GP6: variants seen among roughly 807,000 people sequenced by gnomAD.
GP6 encodes the protein glycoprotein VI platelet, also known as platelet glycoprotein VI.
GP6 carries 45 observed loss-of-function variants against 37.3 expected under a neutral mutation model. That is an observed-to-expected ratio of 1.21 (90% CI 0.95 to 1.55). The LOEUF (loss-of-function observed/expected upper bound fraction) is 1.55. Ranked by LOEUF, GP6 falls within the 40% of genes most tolerant of loss-of-function variation. GP6 has a pLI of 0.00. For synonymous variants in GP6, 340 were observed against 316.4 expected, an observed-to-expected ratio of 1.07 and a Z score of -0.79; for missense variants, 813 against 760.2, an observed-to-expected ratio of 1.07 and a Z score of -0.82.
chr19:55,019,244 T>C (rs2073989300), intron 5 of GP6, among the ~76,000 whole-genome samples: 1 of 152,032 alleles, frequency 6.6e-6, no homozygotes, highest in South Asian at 2.1e-4. Context: ...TAGCTGGGAT[T>C]ACAGGCACCT....
At chr19:55,031,105 C>T (rs1015563488) in intron 3 of GP6, among the ~76,000 whole-genome samples, 3 of 152,158 alleles carry the variant, frequency 2.0e-5, no homozygotes, top group Non-Finnish European at 4.4e-5. Context: ...GCCTCAGCCT[C>T]CCAAAGTGCT....
intron 3 of GP6, among the ~76,000 whole-genome samples, chr19:55,031,153 T>C (rs539545919): frequency 3.9e-5 from 6 of 152,340 alleles, no homozygotes; most frequent in South Asian, 2.1e-4. Context: ...CAGTGCTACG[T>C]TTATTTTTTG....
chr19:55,034,176 G>GTGTA (rs1568647066), intron 1 of GP6, among the ~76,000 whole-genome samples: 4 of 145,512 alleles, frequency 2.7e-5, no homozygotes, highest in South Asian at 2.2e-4. Flanking sequence ...GTGTGTGTGT[G>GTGTA]TATACATATG....
At chr19:55,029,653 G>A (rs1265416629) in intron 3 of GP6, among the ~76,000 whole-genome samples, 1 of 151,282 alleles carries the variant, frequency 6.6e-6, no homozygotes, top group Non-Finnish European at 1.5e-5. Context: ...GCCTCCCAAA[G>A]TGCTGGCATT....
intron 1 of GP6, among the ~76,000 whole-genome samples, chr19:55,036,169 T>G (rs777036104): frequency 1.3e-5 from 2 of 151,896 alleles, no homozygotes; most frequent in Non-Finnish European, 2.9e-5. Context: ...CAAAAATCTG[T>G]ATATTCTCAC....
chr19:55,029,000 A>G (rs1568626692), intron 3 of GP6, among the ~76,000 whole-genome samples: 1 of 151,972 alleles, frequency 6.6e-6, no homozygotes, highest in Non-Finnish European at 1.5e-5. Flanking sequence ...GTCTCAAAAA[A>G]AGACAGAGAG....
At chr19:55,033,047 CGTGTT>C (rs376440492) in intron 1 of GP6, among the ~76,000 whole-genome samples, 159 of 14,590 alleles carry the variant, frequency 0.011, 7 homozygotes, top group East Asian at 0.017. Flanking sequence ...TGGACTCGTT[CGTGTT>C]GTGTTAGACA....
At chr19:55,033,551 T>C (rs1285186659) in intron 1 of GP6, among the ~76,000 whole-genome samples, 3 of 151,108 alleles carry the variant, frequency 2.0e-5, no homozygotes, top group Non-Finnish European at 4.4e-5. Context: ...GGTGGGCTCG[T>C]TCGTGTTAGA....
At chr19:55,032,712 A>C in intron 1 of GP6, 174 bp from the exon 2 acceptor site, 4 of 735,256 alleles carry the variant, frequency 5.4e-6, no homozygotes, top group Non-Finnish European at 9.7e-6. Context: ...AAAAAGCCAC[A>C]TAGTTTATGA....
At chr19:55,027,464 C>T (rs1024662476) in intron 4 of GP6, 114 bp downstream of exon 4, 3 of 755,296 alleles carry the variant, frequency 4.0e-6, no homozygotes, top group East Asian at 2.5e-5. Flanking sequence ...CCCGCCCCTG[C>T]AGCCCAGGGC....
chr19:55,032,065 C>G, intron 3 of GP6, 74 bp downstream of exon 3: 2 of 1,466,808 alleles, frequency 1.4e-6, no homozygotes, highest in Non-Finnish European at 1.9e-6. Flanking sequence ...CTAATCCCTG[C>G]CCTCAATGTC....
chr19:55,014,987 G>T lies in GP6; in HGVS notation c.958C>A (p.Pro320Thr). ...CATCCTGACCCCCGTTTGATTTCCG[G>T]GTCAGCGGGAGGGGCGGGAGGGGCG... Residue 320 changes from proline to threonine, a missense_variant, in exon 8 of 8, where the codon CCG (proline) becomes ACG (threonine). By Grantham distance (38) the Pro-to-Thr change is conservative. Transcript: ENST00000310373. 1 of 1,613,522 alleles carries T rather than the reference G, an allele frequency of 6.2e-7. No individual in the cohort carries two copies.
intron 5 of GP6, among the ~76,000 whole-genome samples, chr19:55,023,263 C>G (rs1233338478): frequency 1.3e-5 from 2 of 152,116 alleles, no homozygotes; most frequent in Non-Finnish European, 2.9e-5. Flanking sequence ...GAAAGGATTC[C>G]CTATTTAATA....
At position 55,014,413 on chromosome 19, in the gene GP6, A is replaced by T; in HGVS notation, c.1532T>A (p.Leu511His). 1 of 1,613,764 alleles carries T rather than the reference A, an allele frequency of 6.2e-7. No homozygotes were observed. The highest frequency in any genetic ancestry group is 1.3e-5 in the African/African-American group (1 of 75,050). ...GAATGACATACCCAAACTGCCTGCA[A>T]GACCCGTTCTGAGAGACGAAAGGAG... Residue 511 changes from leucine to histidine, a missense_variant, in exon 8 of 8, where the codon CTT (leucine) becomes CAT (histidine). By Grantham distance (99) the Leu-to-His change is moderately conservative (BLOSUM62 -3). Transcript: ENST00000310373.
Position 55,015,659 on chromosome 19 carries a change from G to T in GP6, c.779+20C>A, listed in dbSNP as rs1156572937. ...GAAGAGACGGGTGAGAAGGAAGGGG[G>T]TCTGGAGAGGATGACTTACTCACCA... On this transcript the variant is annotated intron_variant, in intron 7 of 7. Transcript: ENST00000310373. 3 of 1,427,530 alleles carry T rather than the reference G, an allele frequency of 2.1e-6. No homozygotes were observed. In the African/African-American group the frequency reaches 4.2e-5, roughly 20 times the overall value. The allele number at this position is 1,427,530 out of a possible 1,614,324, so 88.4% of individuals were successfully genotyped here.
At chr19:55,032,086 G>T in intron 3 of GP6, 53 bp downstream of exon 3, 1 of 1,586,782 alleles carries the variant, frequency 6.3e-7, no homozygotes, top group Non-Finnish European at 8.6e-7. Flanking sequence ...CCCCGTATTT[G>T]TGTCCTGAAC....
intron 5 of GP6, among the ~76,000 whole-genome samples, chr19:55,019,330 C>G (rs1654417): frequency 6.6e-6 from 1 of 151,780 alleles, no homozygotes; most frequent in Non-Finnish European, 1.5e-5. Context: ...AGGATGGTCT[C>G]GATCTCCTGA....
chr19:55,015,967 A>G (rs1449336138), intron 6 of GP6, among the ~76,000 whole-genome samples: 1 of 151,912 alleles, frequency 6.6e-6, no homozygotes, highest in Non-Finnish European at 1.5e-5. Flanking sequence ...GAAAAACCCT[A>G]TCTCTACAAA....
At chr19:55,022,186 C>A (rs2074111228) in intron 5 of GP6, among the ~76,000 whole-genome samples, 1 of 152,162 alleles carries the variant, frequency 6.6e-6, no homozygotes, top group Non-Finnish European at 1.5e-5. Flanking sequence ...GCTTTTGTTA[C>A]AATTGCTTTT....
Sources: allele counts gnomAD v4.1 joint callset (sites outside exome capture counted in the v4.1 genomes callset), GRCh38; gene constraint gnomAD v4.1.1; transcripts MANE v1.5; gene names NCBI Gene and HGNC (gene_info 2026-07-23, HGNC 2026-07-21).